The following KCNB2 variants were observed in gnomAD, a reference collection of about 807,000 sequenced individuals.
The protein encoded by KCNB2 is potassium voltage-gated channel subfamily B member 2, also known as delayed rectifier potassium channel protein.
A neutral mutation model predicts 61.5 loss-of-function variants in KCNB2; 15 were observed. That is an observed-to-expected ratio of 0.24 (90% CI 0.16 to 0.38). KCNB2 has a LOEUF of 0.38. Among genes scored for constraint, KCNB2 ranks in the 10% least tolerant of loss-of-function variants. KCNB2 has a pLI of 1.00. For missense variants in KCNB2, 828 were observed against 1,125.2 expected, an observed-to-expected ratio of 0.74 and a Z score of 3.78; for synonymous variants, 457 against 446.0, an observed-to-expected ratio of 1.02 and a Z score of -0.31.
intron 2 of KCNB2, among the ~76,000 whole-genome samples, chr8:72,572,595 A>G (rs1020560874): frequency 1.3e-5 from 2 of 151,496 alleles, no homozygotes; most frequent in Non-Finnish European, 2.9e-5. Flanking sequence ...TCTCACACAG[A>G]CACACACAGA....
intron 2 of KCNB2, among the ~76,000 whole-genome samples, chr8:72,664,015 G>A (rs1231413820): frequency 1.3e-5 from 2 of 152,162 alleles, no homozygotes. Flanking sequence ...GAAAGCAGAT[G>A]TCAGGCCATT....
chr8:72,814,479 C>T (rs934775853), intron 2 of KCNB2, among the ~76,000 whole-genome samples: 10 of 152,102 alleles, frequency 6.6e-5, no homozygotes, highest in Non-Finnish European at 4.4e-5. Flanking sequence ...TCTCTTTGCT[C>T]CATATCTTCA....
intron 2 of KCNB2, among the ~76,000 whole-genome samples, chr8:72,669,651 A>G (rs551102065): frequency 6.6e-6 from 1 of 152,356 alleles, no homozygotes; most frequent in South Asian, 2.1e-4. Flanking sequence ...ATTTTTTACA[A>G]GAATTTGAGA....
chr8:72,910,708 A>G (rs1258369594), intron 2 of KCNB2, among the ~76,000 whole-genome samples: 4 of 152,232 alleles, frequency 2.6e-5, no homozygotes, highest in Non-Finnish European at 5.9e-5. Flanking sequence ...TTAGAAGGGC[A>G]GGGATAAAAG....
rs183173522 is a variant in KCNB2 at position 72,893,578 on chromosome 8, C to G, written c.580-42357C>G. On this transcript the variant is annotated intron_variant, in intron 2 of 2. Transcript: ENST00000523207. ...CCATATTCAATCTCCATGTATAGTG[C>G]TTATCAAAATTAGTTGAAGCAACTA... Among the ~76,000 whole-genome samples, 391 of 152,236 alleles carry G rather than the reference C, an allele frequency of 2.6e-3. 3 individuals carry two copies. Among genetic ancestry groups the G allele is most frequent in the African/African-American group, 8.8e-3 (366 of 41,544 alleles).
chr8:72,597,148 T>C (rs113252948), intron 2 of KCNB2, among the ~76,000 whole-genome samples: 8,707 of 151,432 alleles, frequency 0.057, 410 homozygotes, highest in African/African-American at 0.13. Context: ...CTCAGCCTCC[T>C]GAGTAGCTGG....
At chr8:72,932,623 G>T (rs977564187) in intron 2 of KCNB2, among the ~76,000 whole-genome samples, 1 of 152,112 alleles carries the variant, frequency 6.6e-6, no homozygotes, top group Non-Finnish European at 1.5e-5. Flanking sequence ...GTGGGCTTTT[G>T]TTGCAGTCCA....
chr8:72,590,817 C>A (rs1286944619), intron 2 of KCNB2, among the ~76,000 whole-genome samples: 1 of 152,118 alleles, frequency 6.6e-6, no homozygotes, highest in Non-Finnish European at 1.5e-5. Flanking sequence ...CATTCGATTT[C>A]TCAGGATGTG....
At chr8:72,902,307 C>G (rs143800129) in intron 2 of KCNB2, among the ~76,000 whole-genome samples, 2 of 152,072 alleles carry the variant, frequency 1.3e-5, no homozygotes, top group Non-Finnish European at 2.9e-5. Context: ...GATGAAGAGC[C>G]AAAGATAGGT....
intron 2 of KCNB2, among the ~76,000 whole-genome samples, chr8:72,596,508 T>C (rs1807192570): frequency 6.6e-6 from 1 of 152,228 alleles, no homozygotes; most frequent in African/African-American, 2.4e-5. Flanking sequence ...ATGCATATAA[T>C]GTTTGAAGCA....
intron 2 of KCNB2, among the ~76,000 whole-genome samples, chr8:72,763,928 G>A (rs1460365926): frequency 6.6e-6 from 1 of 152,168 alleles, no homozygotes; most frequent in Non-Finnish European, 1.5e-5. Flanking sequence ...AGGAGAAGCA[G>A]CATCCGAGGC....
At chr8:72,758,056 G>A (rs1808318184) in intron 2 of KCNB2, among the ~76,000 whole-genome samples, 1 of 152,222 alleles carries the variant, frequency 6.6e-6, no homozygotes, top group African/African-American at 2.4e-5. Flanking sequence ...GAGAGCACAG[G>A]AAGTTGAGAG....
At chr8:72,874,803 T>C (rs1358182605) in intron 2 of KCNB2, 2 of 152,250 alleles carry the variant, frequency 1.3e-5, no homozygotes, top group Non-Finnish European at 2.9e-5. Flanking sequence ...CCAAAAGGCC[T>C]GGCACTTGAG....
chr8:72,635,481 C>CATGT (rs1292158394), intron 2 of KCNB2, among the ~76,000 whole-genome samples: 1 of 152,136 alleles, frequency 6.6e-6, no homozygotes, highest in Non-Finnish European at 1.5e-5. Flanking sequence ...AAAGGAACTC[C>CATGT]ATGTGATTCT....
chr8:72,614,188 A>T (rs895584453), intron 2 of KCNB2, among the ~76,000 whole-genome samples: 2 of 152,186 alleles, frequency 1.3e-5, no homozygotes, highest in Non-Finnish European at 2.9e-5. Flanking sequence ...AGTGCTGTTT[A>T]TTGGGTAAAA....
chr8:72,619,308 G>GA (rs1184120491), intron 2 of KCNB2: 1 of 614,968 alleles, frequency 1.6e-6, no homozygotes, highest in Non-Finnish European at 3.2e-6. Context: ...ATTGGCAGGG[G>GA]AAAAGTTCAC....
chr8:72,815,897 G>A (rs1222415814), intron 2 of KCNB2, among the ~76,000 whole-genome samples: 1 of 152,006 alleles, frequency 6.6e-6, no homozygotes, highest in Non-Finnish European at 1.5e-5. Context: ...CTACATGAGG[G>A]TATGAAGAAA....
intron 2 of KCNB2, among the ~76,000 whole-genome samples, chr8:72,793,814 A>C (rs542516559): frequency 6.6e-6 from 1 of 152,362 alleles, no homozygotes; most frequent in South Asian, 2.1e-4. Context: ...CATGTGCCAC[A>C]AAAAGGGCCA....
At chr8:72,747,880 G>A (rs1284681193) in intron 2 of KCNB2, among the ~76,000 whole-genome samples, 1 of 152,178 alleles carries the variant, frequency 6.6e-6, no homozygotes, top group Non-Finnish European at 1.5e-5. Context: ...ATTTTAGAGA[G>A]CAATTGAAAT....
Sources: allele counts gnomAD v4.1 joint callset (sites outside exome capture counted in the v4.1 genomes callset), GRCh38; gene constraint gnomAD v4.1.1; transcripts MANE v1.5; gene names NCBI Gene and HGNC (gene_info 2026-07-23, HGNC 2026-07-21).